The following NEIL2 variants were observed in gnomAD, a reference collection of about 807,000 sequenced individuals.
NEIL2 encodes nei like DNA glycosylase 2, also known as endonuclease 8-like 2.
NEIL2 carries 23 observed loss-of-function variants against 22.2 expected under a neutral mutation model. The ratio of observed to expected loss-of-function variants is 1.04; its 90% CI spans 0.75 to 1.47. The LOEUF (loss-of-function observed/expected upper bound fraction) is 1.47. Ranked by LOEUF, NEIL2 falls within the 40% of genes most tolerant of loss-of-function variation. NEIL2 has a pLI of 0.00. For missense variants in NEIL2, 583 were observed against 404.7 expected, an observed-to-expected ratio of 1.44 and a Z score of -3.78; for synonymous variants, 229 against 164.8, an observed-to-expected ratio of 1.39 and a Z score of -2.99.
intron 3 of NEIL2, among the ~76,000 whole-genome samples, chr8:11,781,223 CTCGGAGTAGCT>C (rs1187295025): frequency 1.6e-4 from 24 of 152,158 alleles, no homozygotes; most frequent in African/African-American, 7.2e-5. Flanking sequence ...GTAAAAATAA[CTCGGAGTAGCT>C]TCTGTGGTCT....
intron 4 of NEIL2, among the ~76,000 whole-genome samples, chr8:11,784,090 A>T (rs1014738395): frequency 2.6e-5 from 4 of 152,236 alleles, no homozygotes; most frequent in Admixed American, 2.6e-4. Context: ...TTGCTGAAGC[A>T]ATCAGGCAGG....
At chr8:11,778,558 C>G (rs928018243) in intron 2 of NEIL2, among the ~76,000 whole-genome samples, 1 of 152,118 alleles carries the variant, frequency 6.6e-6, no homozygotes, top group East Asian at 1.9e-4. Context: ...TTGGTTTATA[C>G]TCCTTGAAAG....
chr8:11,786,267 C>T lies in NEIL2; in HGVS notation c.993C>T (p.Phe331=). 6.2e-7 allele frequency: 1 copy of T among 1,611,574 alleles called. No homozygotes were observed. The highest frequency in any genetic ancestry group is 8.5e-7 in the Non-Finnish European group (1 of 1,179,754). The change falls in exon 5 of 5, where the codon TTC becomes TTT. Residue 331 remains phenylalanine (F), a synonymous_variant. Coordinates refer to ENST00000284503, the MANE Select transcript of NEIL2 (RefSeq NM_145043.4). The stretch of plus-strand genomic sequence containing the variant: ...CAGAGGAGCCAGAGCAGTGCCAGTT[C>T]TCCTAAGGAGCTGGTGGTGCTCCTC... The part of the protein sequence containing the change: ...QLSEEPEQCQ[F]S
chr8:11,782,912 G>A, intron 3 of NEIL2: 1 of 470,656 alleles, frequency 2.1e-6, no homozygotes, highest in Non-Finnish European at 4.0e-6. Flanking sequence ...TAACGATGTG[G>A]GGATGTGTGT....
At chr8:11,782,211 T>G (rs1354059731) in intron 3 of NEIL2, among the ~76,000 whole-genome samples, 1 of 152,104 alleles carries the variant, frequency 6.6e-6, no homozygotes, top group Non-Finnish European at 1.5e-5. Flanking sequence ...TCACCTGACG[T>G]CAGGAGTTCG....
intron 4 of NEIL2, among the ~76,000 whole-genome samples, chr8:11,785,417 A>T (rs1466870540): frequency 6.6e-6 from 1 of 151,706 alleles, no homozygotes; most frequent in African/African-American, 2.4e-5. Flanking sequence ...GCTGATCTTG[A>T]ACTCCTGGCC....
At position 11,781,888 on chromosome 8, in the gene NEIL2, C is replaced by A. The variant is rs867759311; in HGVS notation, c.492-1315C>A. On this transcript the variant is annotated intron_variant, in intron 3 of 4. Coordinates refer to ENST00000284503, the MANE Select transcript of NEIL2 (RefSeq NM_145043.4). ...TAGCCTGGGCAACATAGTGAAGACC[C>A]TGTTTGTACAAAAAAATAAAATAAA... Among the ~76,000 whole-genome samples, 5 of 151,802 alleles carry A rather than the reference C, an allele frequency of 3.3e-5. No homozygotes were observed. The South Asian group carries it at 1.0e-3, about 32-fold the overall frequency.
At chr8:11,782,102 T>C (rs8191626) in intron 3 of NEIL2, among the ~76,000 whole-genome samples, 4,029 of 152,020 alleles carry the variant, frequency 0.027, 166 homozygotes, top group African/African-American at 0.092. Flanking sequence ...TATATATCCT[T>C]TCTATATGGA....
intron 4 of NEIL2, among the ~76,000 whole-genome samples, chr8:11,783,917 C>A (rs983330481): frequency 1.5e-4 from 23 of 152,360 alleles, no homozygotes; most frequent in Admixed American, 9.1e-4. Context: ...AAGCTGTTTC[C>A]CTCTCTCTAT....
chr8:11,783,028 T>C (rs766941017), intron 3 of NEIL2, 175 bp from the exon 4 acceptor site: 18 of 683,488 alleles, frequency 2.6e-5, no homozygotes, highest in African/African-American at 1.4e-4. Context: ...GCTCTGACTA[T>C]ACTGTGGTAA....
intron 2 of NEIL2, among the ~76,000 whole-genome samples, chr8:11,776,087 C>T (rs1476084413): frequency 6.6e-6 from 1 of 152,144 alleles, no homozygotes; most frequent in Non-Finnish European, 1.5e-5. Flanking sequence ...AAAGACATAA[C>T]CAAGACTTGG....
chr8:11,783,100 AACG>A, intron 3 of NEIL2, 100 bp from the exon 4 acceptor site: 1 of 929,244 alleles, frequency 1.1e-6, no homozygotes, highest in South Asian at 1.3e-5. Flanking sequence ...ATGTTGTGGT[AACG>A]ATGTGGGGAT....
At chr8:11,785,847 C>T (rs1156649632) in intron 4 of NEIL2, 116 bp from the exon 5 acceptor site, 37 of 924,928 alleles carry the variant, frequency 4.0e-5, no homozygotes, top group East Asian at 1.2e-4. Flanking sequence ...ATCGCAGACC[C>T]GTCTAGGGTC....
At chr8:11,776,053 T>C (rs754442770) in intron 2 of NEIL2, among the ~76,000 whole-genome samples, 1 of 152,238 alleles carries the variant, frequency 6.6e-6, no homozygotes, top group Non-Finnish European at 1.5e-5. Flanking sequence ...GTTTACAGTA[T>C]TAGTCTGTTC....
intron 2 of NEIL2, among the ~76,000 whole-genome samples, chr8:11,774,833 G>A (rs941418612): frequency 6.6e-6 from 1 of 152,256 alleles, no homozygotes; most frequent in Admixed American, 6.5e-5. Context: ...AAATCTTAAA[G>A]CTCCAAAATG....
intron 1 of NEIL2, 82 bp from the exon 2 acceptor site, chr8:11,771,364 T>G (rs1803417958): frequency 7.0e-6 from 11 of 1,568,740 alleles, no homozygotes; most frequent in Middle Eastern, 4.6e-4. Flanking sequence ...AATGGCGGCA[T>G]GGAGGATGCT....
intron 3 of NEIL2, chr8:11,782,802 G>T: frequency 3.0e-6 from 1 of 335,614 alleles, no homozygotes; most frequent in Non-Finnish European, 5.8e-6. Flanking sequence ...GTGTATGTGT[G>T]TATGATCCAG....
intron 2 of NEIL2, among the ~76,000 whole-genome samples, chr8:11,778,850 G>A (rs1804137700): frequency 6.7e-6 from 1 of 148,388 alleles, no homozygotes; most frequent in Non-Finnish European, 1.5e-5. Context: ...TACTTGGGAA[G>A]CTGAGGCAAG....
chr8:11,785,715 G>T (rs1289549452), intron 4 of NEIL2, among the ~76,000 whole-genome samples: 2 of 152,140 alleles, frequency 1.3e-5, no homozygotes, highest in Non-Finnish European at 2.9e-5. Flanking sequence ...TCAGATGCCC[G>T]ATCCGTTTTT....
Sources: allele counts gnomAD v4.1 joint callset (sites outside exome capture counted in the v4.1 genomes callset), GRCh38; gene constraint gnomAD v4.1.1; transcripts MANE v1.5; gene names NCBI Gene and HGNC (gene_info 2026-07-23, HGNC 2026-07-21).